The following PKNOX2 variants were observed in gnomAD, a reference collection of about 807,000 sequenced individuals.
PKNOX2 encodes homeobox protein PKNOX2.
A neutral mutation model predicts 53.1 loss-of-function variants in PKNOX2; 14 were observed. The ratio of observed to expected loss-of-function variants is 0.26; its 90% CI spans 0.17 to 0.41. The LOEUF (loss-of-function observed/expected upper bound fraction) is 0.41. PKNOX2 is among the 10% of genes least tolerant of loss of function. The pLI, the probability that PKNOX2 is intolerant of heterozygous loss-of-function variation, is 1.00. For synonymous variants in PKNOX2, 257 were observed against 242.8 expected, an observed-to-expected ratio of 1.06 and a Z score of -0.54; for missense variants, 496 against 602.8, an observed-to-expected ratio of 0.82 and a Z score of 1.85.
intron 2 of PKNOX2, among the ~76,000 whole-genome samples, chr11:125,281,616 C>T (rs747727151): frequency 1.1e-4 from 17 of 152,218 alleles, no homozygotes; most frequent in Non-Finnish European, 2.1e-4. Context: ...GAGAATGTAG[C>T]CGGATAACAC....
chr11:125,359,131 G>A (rs577034776), intron 4 of PKNOX2, among the ~76,000 whole-genome samples: 3 of 148,806 alleles, frequency 2.0e-5, no homozygotes, highest in South Asian at 2.1e-4. Flanking sequence ...GGACACCATC[G>A]GAAAGGCAGG....
At chr11:125,393,456 G>C (rs963574588) in intron 6 of PKNOX2, among the ~76,000 whole-genome samples, 1 of 152,116 alleles carries the variant, frequency 6.6e-6, no homozygotes, top group Admixed American at 6.5e-5. Context: ...CCCAGTGACC[G>C]GGAGAGGCTG....
At chr11:125,292,532 G>T (rs1199908223) in intron 2 of PKNOX2, among the ~76,000 whole-genome samples, 1 of 152,148 alleles carries the variant, frequency 6.6e-6, no homozygotes, top group East Asian at 1.9e-4. Context: ...GGTTCTGGGG[G>T]CACTGCCTCT....
At chr11:125,341,397 A>G (rs1164189512) in intron 3 of PKNOX2, among the ~76,000 whole-genome samples, 2 of 152,008 alleles carry the variant, frequency 1.3e-5, no homozygotes, top group Non-Finnish European at 2.9e-5. Flanking sequence ...GAGTTAAGCC[A>G]AAGAAATTAA....
intron 2 of PKNOX2, among the ~76,000 whole-genome samples, chr11:125,319,806 G>A (rs1949411113): frequency 6.6e-6 from 1 of 152,206 alleles, no homozygotes; most frequent in African/African-American, 2.4e-5. Context: ...AGGAACATGG[G>A]TAGCTTGTGC....
intron 1 of PKNOX2, among the ~76,000 whole-genome samples, chr11:125,221,977 A>G (rs1941196601): frequency 6.6e-6 from 1 of 152,164 alleles, no homozygotes; most frequent in South Asian, 2.1e-4. Context: ...AAGAAATCAA[A>G]TGCGTATTTT....
intron 1 of PKNOX2, among the ~76,000 whole-genome samples, chr11:125,214,890 G>A (rs1940301133): frequency 6.6e-6 from 1 of 152,026 alleles, no homozygotes; most frequent in South Asian, 2.1e-4. Context: ...CTTTTTGAGT[G>A]GGGAAGCAGG....
chr11:125,176,436 C>T (rs773769633), intron 1 of PKNOX2, among the ~76,000 whole-genome samples: 16 of 152,182 alleles, frequency 1.1e-4, no homozygotes, highest in African/African-American at 2.4e-5. Context: ...GAGAGGAAGA[C>T]GTTCAAGTTC....
chr11:125,309,819 G>A (rs968541713), intron 2 of PKNOX2, among the ~76,000 whole-genome samples: 1 of 152,168 alleles, frequency 6.6e-6, no homozygotes, highest in Non-Finnish European at 1.5e-5. Flanking sequence ...ATTTCAGTGT[G>A]TGGAATGATC....
At chr11:125,280,161 T>C (rs1051226443) in intron 2 of PKNOX2, among the ~76,000 whole-genome samples, 2 of 151,646 alleles carry the variant, frequency 1.3e-5, no homozygotes, top group African/African-American at 4.8e-5. Flanking sequence ...GGCGACTCTG[T>C]TTTTACTTGG....
chr11:125,327,392 C>T (rs936918846), intron 2 of PKNOX2, among the ~76,000 whole-genome samples: 1 of 152,172 alleles, frequency 6.6e-6, no homozygotes, highest in Non-Finnish European at 1.5e-5. Context: ...CTCTTGCTTC[C>T]TTTCTTGTTC....
chr11:125,289,136 T>C (rs1431330797), intron 2 of PKNOX2, among the ~76,000 whole-genome samples: 1 of 152,006 alleles, frequency 6.6e-6, no homozygotes, highest in Admixed American at 6.5e-5. Flanking sequence ...TGGCAGGAAA[T>C]CCTCAGCCTT....
At chr11:125,293,839 A>G (rs1947482141) in intron 2 of PKNOX2, among the ~76,000 whole-genome samples, 2 of 151,934 alleles carry the variant, frequency 1.3e-5, no homozygotes, top group African/African-American at 4.8e-5. Context: ...ACACTCACAC[A>G]TACACTTTAT....
In PKNOX2 at chr11:125,283,407, T is replaced by C. The variant is rs373462521; in HGVS notation, c.-130+48292T>C. On this transcript the variant is annotated intron_variant, in intron 2 of 12. Coordinates refer to ENST00000298282, the MANE Select transcript of PKNOX2 (RefSeq NM_001382323.2). ...TCTACCTGAGACCTTCTCTGGAGAA[T>C]TTAGGAGCCAAGTTGAAGCTTCCTC... Among the ~76,000 whole-genome samples, 15 of 152,334 alleles carry C rather than the reference T, an allele frequency of 9.8e-5. 1 individual carries two copies. The highest frequency in any genetic ancestry group is 3.6e-4 in the African/African-American group (15 of 41,580).
At chr11:125,287,580 T>C (rs1946989685) in intron 2 of PKNOX2, 1 of 152,246 alleles carries the variant, frequency 6.6e-6, no homozygotes, top group Non-Finnish European at 1.5e-5. Context: ...CCCTCCCAGC[T>C]CCTTCCAAAG....
intron 4 of PKNOX2, among the ~76,000 whole-genome samples, chr11:125,361,856 G>T (rs922853072): frequency 2.0e-5 from 3 of 152,212 alleles, no homozygotes; most frequent in African/African-American, 7.2e-5. Flanking sequence ...GCTCCAGAAG[G>T]CTTGAAGCCC....
intron 1 of PKNOX2, among the ~76,000 whole-genome samples, chr11:125,209,028 T>G (rs1257566766): frequency 6.6e-6 from 1 of 152,076 alleles, no homozygotes; most frequent in Non-Finnish European, 1.5e-5. Context: ...AATCGCTCTT[T>G]CACAAGTTTG....
intron 3 of PKNOX2, among the ~76,000 whole-genome samples, chr11:125,334,299 G>A (rs986823568): frequency 6.6e-6 from 1 of 152,178 alleles, no homozygotes; most frequent in South Asian, 2.1e-4. Flanking sequence ...GTCCTGTTGG[G>A]CAAACATAAA....
intron 6 of PKNOX2, among the ~76,000 whole-genome samples, chr11:125,397,141 T>C (rs1272427446): frequency 6.6e-6 from 1 of 152,174 alleles, no homozygotes; most frequent in Non-Finnish European, 1.5e-5. Context: ...GAATGTCCAT[T>C]TGAAGAGGCA....
Sources: gnomAD v4.1 joint callset for allele counts (sites outside exome capture counted in the v4.1 genomes callset) on GRCh38, gnomAD v4.1.1 for gene constraint, MANE v1.5 for transcripts, NCBI Gene and HGNC (gene_info 2026-07-23, HGNC 2026-07-21) for gene names.